The following CCDC3 variants were observed in gnomAD, a reference collection of about 807,000 sequenced individuals.
CCDC3 encodes the protein coiled-coil domain containing 3.
In CCDC3, 24 loss-of-function variants were observed where a neutral mutation model predicts 21.4. The ratio of observed to expected loss-of-function variants is 1.12; its 90% CI spans 0.81 to 1.58. The LOEUF is 1.58. CCDC3 is among the 40% of genes most tolerant of loss of function. The probability of loss-of-function intolerance (pLI) is 0.00; values close to 1 mark genes in which losing one functional copy is unlikely to be tolerated. For missense variants in CCDC3, 425 were observed against 360.9 expected, an observed-to-expected ratio of 1.18 and a Z score of -1.44; for synonymous variants, 186 against 166.0, an observed-to-expected ratio of 1.12 and a Z score of -0.93.
chr10:13,050,354 A>T (rs1188298439), intron 4 of CCDC3, among the ~76,000 whole-genome samples: 2 of 152,170 alleles, frequency 1.3e-5, no homozygotes, highest in African/African-American at 4.8e-5. Context: ...TCGACCTTTA[A>T]ATACCTAAAT....
chr10:13,009,976 A>G (rs1160323379), intron 5 of CCDC3, among the ~76,000 whole-genome samples: 2 of 152,214 alleles, frequency 1.3e-5, no homozygotes, highest in East Asian at 1.9e-4. Context: ...AGCTGGGTGC[A>G]CTGGCTCATG....
In CCDC3 at chr10:13,001,461, G is replaced by C; in HGVS notation, c.110C>G (p.Ala37Gly). ...GTACACGATGGTCTCGGCCAGCTCGGCGCGGCAGCCCTCGCTCAGGGGCCT... is the reference window on the plus strand; with the variant it reads ...GTACACGATGGTCTCGGCCAGCTCGCCGCGGCAGCCCTCGCTCAGGGGCCT... ...EWRPLSEGCR[A>G]ELAETIVYAR... Residue 37 changes from alanine to glycine, a missense_variant, in exon 1 of 3, where the codon GCC becomes GGC. Ala to Gly is a moderately conservative substitution (Grantham distance 60). Coordinates refer to ENST00000378825, the MANE Select transcript of CCDC3 (RefSeq NM_031455.4). 3 of 1,435,758 alleles carry C rather than the reference G, an allele frequency of 2.1e-6. No homozygotes were observed. The highest frequency in any genetic ancestry group is 2.7e-6 in the Non-Finnish European group (3 of 1,094,846). The allele number at this position is 1,435,758 out of a possible 1,614,324, so 88.9% of individuals were successfully genotyped here.
intron 5 of CCDC3, among the ~76,000 whole-genome samples, chr10:13,022,017 C>T (rs1836152603): frequency 6.6e-6 from 1 of 152,140 alleles, no homozygotes; most frequent in South Asian, 2.1e-4. Flanking sequence ...GCCTTGGCCT[C>T]CCAAAGTGCT....
intron 5 of CCDC3, among the ~76,000 whole-genome samples, chr10:13,045,047 T>G (rs1483852000): frequency 6.6e-6 from 1 of 152,196 alleles, no homozygotes; most frequent in Admixed American, 6.5e-5. Context: ...TAATTCAATT[T>G]AAACATACAC....
At position 13,009,764 on chromosome 10, in the gene CCDC3, C is replaced by T. The variant is rs371697097; in HGVS notation, c.-1-11252G>A. On this transcript the variant is annotated intron_variant, in intron 5 of 6. Coordinates refer to the CCDC3 transcript ENST00000378839. ...CTATCACTGTACACAAAAATTAACT[C>T]GAAATATAAAACCTAAAACTATAAA... Among the ~76,000 whole-genome samples the T allele has an allele frequency of 1.3e-4, 20 of 152,178 alleles. No individual in the cohort carries two copies. In the East Asian group the frequency reaches 2.7e-3, roughly 21 times the overall value.
intron 5 of CCDC3, among the ~76,000 whole-genome samples, chr10:13,033,425 G>A (rs1012052875): frequency 2.0e-5 from 3 of 152,160 alleles, no homozygotes; most frequent in African/African-American, 7.2e-5. Context: ...CAGGACATAG[G>A]CATGGGCGAG....
At chr10:12,980,642 G>C (rs891628381) in intron 2 of CCDC3, among the ~76,000 whole-genome samples, 1 of 152,098 alleles carries the variant, frequency 6.6e-6, no homozygotes, top group Admixed American at 6.5e-5. Context: ...TCAGATAATA[G>C]CAAACTTTCT....
At chr10:13,056,677 AG>A in intron 4 of CCDC3, among the ~76,000 whole-genome samples, 1 of 152,202 alleles carries the variant, frequency 6.6e-6, no homozygotes, top group Non-Finnish European at 1.5e-5. Flanking sequence ...AATAAAAAGC[AG>A]GGAGGTGGAC....
chr10:12,955,513 G>A (rs1330419539), intron 2 of CCDC3, among the ~76,000 whole-genome samples: 1 of 152,112 alleles, frequency 6.6e-6, no homozygotes, highest in Non-Finnish European at 1.5e-5. Flanking sequence ...CAGACCCAGG[G>A]ATCATCTAGT....
At chr10:13,018,389 G>C (rs1198401411) in intron 5 of CCDC3, among the ~76,000 whole-genome samples, 2 of 152,090 alleles carry the variant, frequency 1.3e-5, no homozygotes, top group Admixed American at 6.5e-5. Flanking sequence ...TGACATACTT[G>C]TCTGATATCT....
exon 2 of CCDC3, chr10:13,099,283 C>G (rs1047527047): frequency 1.3e-5 from 2 of 152,380 alleles, no homozygotes; most frequent in Non-Finnish European, 2.9e-5. Flanking sequence ...TTCGGAGATA[C>G]CAGGAGAGGG....
intron 2 of CCDC3, among the ~76,000 whole-genome samples, chr10:12,966,720 T>C (rs1259478861): frequency 2.6e-5 from 4 of 152,202 alleles, no homozygotes; most frequent in Admixed American, 2.0e-4. Flanking sequence ...ATCATCTTCA[T>C]CAGTTAAGAA....
chr10:13,028,491 A>G (rs1836254391), intron 5 of CCDC3, among the ~76,000 whole-genome samples: 1 of 152,202 alleles, frequency 6.6e-6, no homozygotes, highest in Non-Finnish European at 1.5e-5. Flanking sequence ...GACCACCCAG[A>G]CAGCTGAACA....
At chr10:13,029,723 G>A (rs1339314641) in intron 5 of CCDC3, among the ~76,000 whole-genome samples, 1 of 152,166 alleles carries the variant, frequency 6.6e-6, no homozygotes, top group Non-Finnish European at 1.5e-5. Flanking sequence ...ATTTGATCAA[G>A]TGGAAGAAAG....
At chr10:13,014,311 G>A (rs551897089) in intron 5 of CCDC3, among the ~76,000 whole-genome samples, 62 of 151,420 alleles carry the variant, frequency 4.1e-4, no homozygotes, top group Non-Finnish European at 7.1e-4. Flanking sequence ...TTAGCCAGGC[G>A]TGGTGGCAGG....
chr10:12,933,738 G>A (rs1175088459), intron 2 of CCDC3, among the ~76,000 whole-genome samples: 1 of 152,142 alleles, frequency 6.6e-6, no homozygotes, highest in Non-Finnish European at 1.5e-5. Flanking sequence ...GATTACAGGT[G>A]TGAGCCACTG....
chr10:12,971,907 T>G (rs1366611253), intron 2 of CCDC3, among the ~76,000 whole-genome samples: 1 of 152,048 alleles, frequency 6.6e-6, no homozygotes, highest in Non-Finnish European at 1.5e-5. Context: ...CAGGCTGGTC[T>G]CAAACTCCTG....
At position 12,927,801 on chromosome 10, in the gene CCDC3, T is replaced by A. The variant is rs114131323; in HGVS notation, c.550-29122A>T. Among the ~76,000 whole-genome samples the A allele has an allele frequency of 6.7e-3, 1,026 of 152,328 alleles. 17 individuals are homozygous for A. Among genetic ancestry groups the A allele is most frequent in the African/African-American group, 0.024 (979 of 41,564 alleles). On this transcript the variant is annotated intron_variant, in intron 2 of 2. Coordinates refer to ENST00000378825, the MANE Select transcript of CCDC3 (RefSeq NM_031455.4). ...TTAGAAGTCCATGAATCCATTAGAA[T>A]CATCTGGAGCAGGAACTTTTTTCAA...
chr10:13,019,242 A>C (rs1404935334), intron 5 of CCDC3, among the ~76,000 whole-genome samples: 1 of 151,220 alleles, frequency 6.6e-6, no homozygotes, highest in Non-Finnish European at 1.5e-5. Flanking sequence ...TTTAAAAAAG[A>C]AAGAAAGAAA....
Sources: allele counts gnomAD v4.1 joint callset (sites outside exome capture counted in the v4.1 genomes callset), GRCh38; gene constraint gnomAD v4.1.1; transcripts MANE v1.5; gene names NCBI Gene and HGNC (gene_info 2026-07-23, HGNC 2026-07-21).